ZNF407: variants seen among roughly 807,000 people sequenced by gnomAD.
ZNF407 encodes zinc finger protein 407.
In ZNF407, 17 loss-of-function variants were observed where a neutral mutation model predicts 131.2. That is an observed-to-expected ratio of 0.13 (90% confidence interval 0.09 to 0.19). The LOEUF (loss-of-function observed/expected upper bound fraction) is 0.19. Among genes scored for constraint, ZNF407 ranks in the 10% least tolerant of loss-of-function variants. The pLI, the probability that ZNF407 is intolerant of heterozygous loss-of-function variation, is 1.00. For synonymous variants in ZNF407, 1,156 were observed against 1,062.0 expected, an observed-to-expected ratio of 1.09 and a Z score of -1.72; for missense variants, 2,681 against 2,830.6, an observed-to-expected ratio of 0.95 and a Z score of 1.20.
intron 3 of ZNF407, among the ~76,000 whole-genome samples, chr18:74,729,675 C>T (rs1968247745): frequency 1.3e-5 from 2 of 152,116 alleles, no homozygotes; most frequent in Admixed American, 6.5e-5. Context: ...CACTGGCATA[C>T]AAAAGCAACA....
At chr18:74,964,025 GTCTTTTCC>G in intron 8 of ZNF407, among the ~76,000 whole-genome samples, 1 of 152,212 alleles carries the variant, frequency 6.6e-6, no homozygotes, top group Non-Finnish European at 1.5e-5. Flanking sequence ...GAACAGTAAT[GTCTTTTCC>G]AGCCATGGTC....
chr18:74,681,901 C>T (rs1966992095), intron 3 of ZNF407, among the ~76,000 whole-genome samples: 1 of 151,994 alleles, frequency 6.6e-6, no homozygotes. Flanking sequence ...AAATCACAAA[C>T]ATTCAAAAGG....
At chr18:74,628,338 C>A (rs1042812899) in intron 1 of ZNF407, among the ~76,000 whole-genome samples, 3 of 152,118 alleles carry the variant, frequency 2.0e-5, no homozygotes, top group African/African-American at 7.2e-5. Flanking sequence ...CACCACAGTT[C>A]ATTTTAAAAC....
At chr18:74,684,555 C>T (rs1228667093) in intron 3 of ZNF407, among the ~76,000 whole-genome samples, 2 of 152,188 alleles carry the variant, frequency 1.3e-5, no homozygotes, top group African/African-American at 4.8e-5. Flanking sequence ...ACTTTGTTCT[C>T]TAAAGAGCGT....
At chr18:74,813,425 G>C (rs577742725) in intron 4 of ZNF407, among the ~76,000 whole-genome samples, 3 of 152,114 alleles carry the variant, frequency 2.0e-5, no homozygotes, top group Admixed American at 1.3e-4. Flanking sequence ...TTGTCTTCAT[G>C]ATGCCGTGAG....
chr18:74,957,008 A>G (rs200771280), intron 8 of ZNF407, among the ~76,000 whole-genome samples: 1 of 152,314 alleles, frequency 6.6e-6, no homozygotes, highest in South Asian at 2.1e-4. Flanking sequence ...GCTACTTGTG[A>G]AGCCAAGTTA....
chr18:74,801,377 A>G (rs1441628305), intron 4 of ZNF407, among the ~76,000 whole-genome samples: 1 of 152,174 alleles, frequency 6.6e-6, no homozygotes, highest in Non-Finnish European at 1.5e-5. Context: ...ATCTAGACTT[A>G]CTGTTTATAT....
chr18:75,038,801 C>T (rs544577031), intron 8 of ZNF407, among the ~76,000 whole-genome samples: 1 of 152,346 alleles, frequency 6.6e-6, no homozygotes, highest in Non-Finnish European at 1.5e-5. Flanking sequence ...CAAGCATACA[C>T]ATGGAATACT....
At chr18:74,670,295 C>T (rs1432776516) in intron 3 of ZNF407, among the ~76,000 whole-genome samples, 2 of 152,056 alleles carry the variant, frequency 1.3e-5, no homozygotes, top group Non-Finnish European at 2.9e-5. Context: ...TTTAAAGAAT[C>T]GCATCATTAT....
intron 7 of ZNF407, among the ~76,000 whole-genome samples, chr18:74,898,797 A>C (rs2145205603): frequency 6.6e-6 from 1 of 152,340 alleles, no homozygotes; most frequent in South Asian, 2.1e-4. Context: ...TCATAAAACA[A>C]GACTTTTTTC....
intron 3 of ZNF407, among the ~76,000 whole-genome samples, chr18:74,693,134 A>T (rs904961724): frequency 3.3e-5 from 5 of 152,216 alleles, no homozygotes; most frequent in Non-Finnish European, 5.9e-5. Flanking sequence ...CAGTGGCTGC[A>T]CTTTCCTCCG....
chr18:74,866,813 T>G (rs1371964225), intron 4 of ZNF407, among the ~76,000 whole-genome samples: 1 of 148,908 alleles, frequency 6.7e-6, no homozygotes, highest in East Asian at 1.9e-4. Context: ...TTATTTTATT[T>G]TATTCATTAT....
At chr18:74,768,730 T>C (rs1001546396) in intron 3 of ZNF407, among the ~76,000 whole-genome samples, 11 of 152,230 alleles carry the variant, frequency 7.2e-5, no homozygotes, top group Admixed American at 2.6e-4. Context: ...TTGAGGCTAG[T>C]AATACCGTAA....
chr18:75,064,067 G>T lies in ZNF407; in HGVS notation c.6346G>T (p.Val2116Phe), dbSNP rs764593752. ...GAGCGAAGAGGGTGCCGTCCACATG[G>T]TCGCCGGGGAGGGTGCCCAGATCAT... ...VVSEEGAVHM[V>F]AGEGAQIIMQ... The change falls in exon 9 of 9, where the codon GTC (valine) becomes TTC (phenylalanine). Residue 2116 changes from valine (V) to phenylalanine (F), a missense_variant. By Grantham distance (50) the Val-to-Phe change is conservative. Around this residue, in one of 6 missense-constraint regions of ZNF407, gnomAD observed 620 missense variants for 583.1 expected, o/e 1.06. Coordinates refer to ENST00000299687, the MANE Select transcript of ZNF407 (RefSeq NM_017757.3). 3.8e-6 allele frequency: 6 copies of T among 1,590,852 alleles called. No individual in the cohort carries two copies. In the Admixed American group the frequency reaches 1.1e-4, roughly 28 times the overall value.
At position 74,746,222 on chromosome 18, in the gene ZNF407, G is replaced by A. The variant is rs184830282; in HGVS notation, c.4803-35206G>A. On this transcript the variant is annotated intron_variant, in intron 3 of 8. Transcript: ENST00000299687. ...AGGGGTGCAGTTGTATCTGTGCAGG[G>A]CACTGAATTGTGAATGGAGCTTGCA... is the stretch of plus-strand genomic sequence containing the variant. 1.5e-3 allele frequency among the ~76,000 whole-genome samples: 221 copies of A among 152,260 alleles called. 1 individual carries two copies. The highest frequency in any genetic ancestry group is 2.2e-3 in the Non-Finnish European group (153 of 68,014).
At chr18:74,911,112 A>G (rs919714120) in intron 7 of ZNF407, among the ~76,000 whole-genome samples, 1 of 152,214 alleles carries the variant, frequency 6.6e-6, no homozygotes, top group African/African-American at 2.4e-5. Flanking sequence ...AATTGTTTTT[A>G]GTACATACTG....
intron 4 of ZNF407, among the ~76,000 whole-genome samples, chr18:74,853,113 G>A (rs1057428571): frequency 6.6e-6 from 1 of 152,040 alleles, no homozygotes; most frequent in African/African-American, 2.4e-5. Flanking sequence ...AGGAAAAAAC[G>A]TATCAAATGT....
intron 4 of ZNF407, among the ~76,000 whole-genome samples, chr18:74,794,674 A>G (rs1323251343): frequency 6.6e-6 from 1 of 152,164 alleles, no homozygotes; most frequent in Non-Finnish European, 1.5e-5. Context: ...AATTTTTGGT[A>G]ATTAAAAAAT....
In ZNF407 at chr18:75,048,662, G is replaced by A. The variant is rs1973462518; in HGVS notation, c.5429-14488G>A. 6.6e-6 allele frequency among the ~76,000 whole-genome samples: 1 copy of A among 152,042 alleles called. No individual in the cohort carries two copies. Among genetic ancestry groups the A allele is most frequent in the Non-Finnish European group, 1.5e-5 (1 of 68,012 alleles). On this transcript the variant is annotated intron_variant, in intron 8 of 8. Transcript: ENST00000299687. The surrounding 1 kb of genome is among the most constrained non-coding windows in gnomAD (Gnocchi z 4.1). ...AATGACTGGAATCCTGACACTTTCT[G>A]TCTTTAAAAAAATCAACTAGATTAT...
Sources: allele counts gnomAD v4.1 joint callset (sites outside exome capture counted in the v4.1 genomes callset), GRCh38; gene constraint gnomAD v4.1.1; regional missense constraint gnomAD v4.1.1; non-coding constraint Gnocchi (gnomAD v3.1); transcripts MANE v1.5; gene names NCBI Gene and HGNC (gene_info 2026-07-23, HGNC 2026-07-21).